Variants in IGFBP7 observed in about 807,000 individuals in gnomAD.
IGFBP7 encodes the protein insulin like growth factor binding protein 7.
IGFBP7 carries 31 observed loss-of-function variants against 29.4 expected under a neutral mutation model. The observed-to-expected ratio is 1.05, with a 90% CI of 0.79 to 1.42. The LOEUF is 1.42. IGFBP7 is among the 40% of genes most tolerant of loss of function. The pLI is 0.00. For missense variants in IGFBP7, 393 were observed against 395.5 expected, an observed-to-expected ratio of 0.99 and a Z score of 0.05; for synonymous variants, 172 against 174.9, an observed-to-expected ratio of 0.98 and a Z score of 0.13.
At chr4:57,091,125 G>A (rs1725626614) in intron 1 of IGFBP7, among the ~76,000 whole-genome samples, 1 of 152,156 alleles carries the variant, frequency 6.6e-6, no homozygotes, top group Non-Finnish European at 1.5e-5. Flanking sequence ...CAAAGCCTTA[G>A]AGTCTCTGGA....
intron 1 of IGFBP7, among the ~76,000 whole-genome samples, chr4:57,068,941 G>A (rs1724986946): frequency 6.6e-6 from 1 of 152,094 alleles, no homozygotes; most frequent in African/African-American, 2.4e-5. Context: ...TTTGGATGCA[G>A]GCCCCTTCTG....
At chr4:57,081,115 G>A (rs556239965) in intron 1 of IGFBP7, among the ~76,000 whole-genome samples, 2 of 152,242 alleles carry the variant, frequency 1.3e-5, no homozygotes, top group African/African-American at 2.4e-5. Context: ...CCCAACCTGG[G>A]TACTTAAAAT....
At chr4:57,052,319 G>C (rs1458047873) in intron 1 of IGFBP7, among the ~76,000 whole-genome samples, 1 of 152,162 alleles carries the variant, frequency 6.6e-6, no homozygotes, top group Non-Finnish European at 1.5e-5. Context: ...ACAGAAGCAG[G>C]GGTGTCAGTC....
At chr4:57,066,109 C>T (rs1457250632) in intron 1 of IGFBP7, among the ~76,000 whole-genome samples, 1 of 152,216 alleles carries the variant, frequency 6.6e-6, no homozygotes, top group South Asian at 2.1e-4. Flanking sequence ...ATCCACCCCC[C>T]ACTTTTTAGG....
chr4:57,066,267 G>A (rs1489636334), intron 1 of IGFBP7, among the ~76,000 whole-genome samples: 1 of 152,184 alleles, frequency 6.6e-6, no homozygotes, highest in African/African-American at 2.4e-5. Flanking sequence ...GGAGAAGCCA[G>A]TGCTGTGCTG....
chr4:57,033,849 G>A (rs1169850375), intron 2 of IGFBP7, among the ~76,000 whole-genome samples: 4 of 151,982 alleles, frequency 2.6e-5, no homozygotes, highest in Non-Finnish European at 4.4e-5. Context: ...AAAGGAGTTC[G>A]AGACCAGACT....
chr4:57,071,612 A>C (rs1007707742), intron 1 of IGFBP7, among the ~76,000 whole-genome samples: 1 of 152,206 alleles, frequency 6.6e-6, no homozygotes, highest in Non-Finnish European at 1.5e-5. Context: ...ACATGTGGCC[A>C]TCAGGCTCTC....
intron 1 of IGFBP7, among the ~76,000 whole-genome samples, chr4:57,051,810 T>C (rs930068696): frequency 2.0e-5 from 3 of 152,228 alleles, no homozygotes; most frequent in African/African-American, 7.2e-5. Flanking sequence ...TCAAACAAGA[T>C]ACAGCCATTA....
intron 1 of IGFBP7, among the ~76,000 whole-genome samples, chr4:57,104,467 TAAC>T (rs1725972928): frequency 6.6e-6 from 1 of 152,186 alleles, no homozygotes; most frequent in African/African-American, 2.4e-5. Flanking sequence ...ACCAGACAAT[TAAC>T]AACTTCATTT....
intron 3 of IGFBP7, 51 bp from the exon 4 acceptor site, chr4:57,032,603 T>C (rs773654576): frequency 7.0e-7 from 1 of 1,427,678 alleles, no homozygotes; most frequent in Admixed American, 1.7e-5. Flanking sequence ...TTCTCTTTTG[T>C]CAGTGGTTCC....
intron 1 of IGFBP7, among the ~76,000 whole-genome samples, chr4:57,047,830 G>A (rs1038257721): frequency 3.3e-5 from 5 of 152,142 alleles, no homozygotes; most frequent in Middle Eastern, 3.4e-3. Context: ...AATCTCCTGG[G>A]CCCAAACAAT....
At chr4:57,038,382 G>T (rs1560489859) in intron 2 of IGFBP7, among the ~76,000 whole-genome samples, 2 of 152,206 alleles carry the variant, frequency 1.3e-5, no homozygotes, top group Admixed American at 1.3e-4. Flanking sequence ...TATATTGAGA[G>T]CAAAGAGTCA....
chr4:57,064,601 T>G (rs971359205), intron 1 of IGFBP7, among the ~76,000 whole-genome samples: 90 of 152,320 alleles, frequency 5.9e-4, no homozygotes, highest in African/African-American at 2.1e-3. Flanking sequence ...TCTAGTGAGC[T>G]GGGTGACAAG....
chr4:57,032,238 C>T, intron 4 of IGFBP7, 188 bp downstream of exon 4: 1 of 1,397,548 alleles, frequency 7.2e-7, no homozygotes, highest in Non-Finnish European at 9.3e-7. Context: ...TAACGATGTT[C>T]AGTCACCCAT....
Position 57,032,590 on chromosome 4 carries a change from GTCTTC to G in IGFBP7, c.703-43_703-39del, listed in dbSNP as rs772568887. The G allele has an allele frequency of 5.9e-6, 9 of 1,519,898 alleles. No individual in the cohort carries two copies. The Admixed American group carries it at 1.5e-4, about 25-fold the overall frequency. The allele number at this position is 1,519,898 out of a possible 1,614,324, so 94.2% of individuals were successfully genotyped here. ...AAAGATCTAGTATTCCTCTGTGGTG[GTCTTC>G]TCTTTTGTCAGTGGTTCCAGTGAGG... On this transcript the variant is annotated intron_variant, in intron 3 of 4. Transcript: ENST00000295666.
intron 1 of IGFBP7, among the ~76,000 whole-genome samples, chr4:57,041,823 G>A (rs1272629405): frequency 6.6e-6 from 1 of 152,152 alleles, no homozygotes; most frequent in East Asian, 1.9e-4. Context: ...ACAGGTGTGA[G>A]CCACCATGCC....
chr4:57,064,669 A>G (rs1451224589), intron 1 of IGFBP7, among the ~76,000 whole-genome samples: 1 of 152,192 alleles, frequency 6.6e-6, no homozygotes, highest in Non-Finnish European at 1.5e-5. Flanking sequence ...TAATATTTTC[A>G]TATTCCTAAA....
At position 57,031,301 on chromosome 4, in the gene IGFBP7, A is replaced by G. The variant is rs1013188187; in HGVS notation, c.*16T>C. On this transcript the variant is annotated 3_prime_UTR_variant, in exon 5 of 5. Transcript: ENST00000295666. ...TGACTACTTTTAACCATGCAGACTAATAATATTCTGGAGGTTTATAGCTCG... is the reference window on the plus strand; with the variant it reads ...TGACTACTTTTAACCATGCAGACTAGTAATATTCTGGAGGTTTATAGCTCG... 2.5e-6 allele frequency: 4 copies of G among 1,600,362 alleles called. No homozygotes were observed. The highest frequency in any genetic ancestry group is 3.3e-5 in the Admixed American group (2 of 59,968).
intron 1 of IGFBP7, among the ~76,000 whole-genome samples, chr4:57,053,269 G>A (rs549285697): frequency 9.9e-5 from 15 of 152,190 alleles, no homozygotes; most frequent in African/African-American, 2.4e-4. Context: ...TGCCCGCTTC[G>A]GGCTCCCAGG....
Sources: gnomAD v4.1 joint callset for allele counts (sites outside exome capture counted in the v4.1 genomes callset) on GRCh38, gnomAD v4.1.1 for gene constraint, MANE v1.5 for transcripts, NCBI Gene and HGNC (gene_info 2026-07-23, HGNC 2026-07-21) for gene names.